NIPBL: variants seen among roughly 807,000 people sequenced by gnomAD.
NIPBL encodes the protein nipped-B-like protein.
Under a neutral mutation model 321.8 loss-of-function variants are expected in NIPBL, and 19 were observed. The ratio of observed to expected loss-of-function variants is 0.06; its 90% CI spans 0.04 to 0.09. The LOEUF (loss-of-function observed/expected upper bound fraction) is 0.09, where lower values mean the gene tolerates loss of function less well. Ranked by LOEUF, NIPBL falls within the 10% of genes least tolerant of loss-of-function variation. The pLI is 1.00. For missense variants in NIPBL, 2,210 were observed against 3,327.0 expected, an observed-to-expected ratio of 0.66 and a Z score of 8.26; for synonymous variants, 1,106 against 1,114.1, an observed-to-expected ratio of 0.99 and a Z score of 0.14.
rs148503852 is a variant in NIPBL, at chr5:37,008,921, G to A, written c.4421+198G>A. 8.1e-3 allele frequency among the ~76,000 whole-genome samples: 1,237 copies of A among 152,262 alleles called. 12 individuals carry two copies. Among genetic ancestry groups the A allele is most frequent in the African/African-American group, 0.028 (1,175 of 41,556 alleles). The stretch of plus-strand genomic sequence containing the variant: ...CTTAGAAAACTTCACTGATTCTCAA[G>A]GGTAAAGATCTGTGGCAGGGTTTTT... On this transcript the variant is annotated intron_variant, in intron 20 of 46. Transcript: ENST00000282516.
chr5:36,933,084 T>C (rs902662120), intron 1 of NIPBL, among the ~76,000 whole-genome samples: 12 of 152,208 alleles, frequency 7.9e-5, no homozygotes, highest in Admixed American at 7.2e-4. Context: ...AATCTACTTG[T>C]ATAGTTAAAT....
intron 1 of NIPBL, among the ~76,000 whole-genome samples, chr5:36,900,429 G>A (rs1174001130): frequency 1.3e-5 from 2 of 152,118 alleles, no homozygotes; most frequent in African/African-American, 4.8e-5. Context: ...AAAGGGGACT[G>A]TCTAGCTATA....
chr5:37,049,015 C>A, intron 39 of NIPBL, 96 bp from the exon 40 acceptor site: 1 of 1,193,094 alleles, frequency 8.4e-7, no homozygotes, highest in Non-Finnish European at 1.2e-6. Flanking sequence ...CTAGCTGTAA[C>A]GTTTTGTGAT....
chr5:37,058,739 C>A, intron 43 of NIPBL, 152 bp from the exon 44 acceptor site: 1 of 624,688 alleles, frequency 1.6e-6, no homozygotes, highest in Non-Finnish European at 2.8e-6. Flanking sequence ...AGAAACTATC[C>A]CCTAAGATTA....
At chr5:36,994,822 T>C (rs1253267623) in intron 10 of NIPBL, among the ~76,000 whole-genome samples, 1 of 152,174 alleles carries the variant, frequency 6.6e-6, no homozygotes, top group Non-Finnish European at 1.5e-5. Context: ...TGTGTATGTG[T>C]GTAGGATTAA....
intron 27 of NIPBL, among the ~76,000 whole-genome samples, chr5:37,021,217 T>C (rs1749598164): frequency 6.6e-6 from 1 of 152,156 alleles, no homozygotes; most frequent in Admixed American, 6.5e-5. Context: ...GAGAATTGCT[T>C]GAACCTGGGA....
intron 1 of NIPBL, among the ~76,000 whole-genome samples, chr5:36,930,838 A>T (rs1438127891): frequency 2.0e-5 from 3 of 152,178 alleles, no homozygotes; most frequent in Non-Finnish European, 4.4e-5. Context: ...GATGTTTTAC[A>T]TTAATTTATT....
At chr5:36,887,144 A>G (rs1745971874) in intron 1 of NIPBL, among the ~76,000 whole-genome samples, 1 of 152,132 alleles carries the variant, frequency 6.6e-6, no homozygotes, top group Non-Finnish European at 1.5e-5. Flanking sequence ...AATCTAGTCT[A>G]ATAGACATTA....
chr5:36,987,829 CAG>C (rs1745006941), intron 10 of NIPBL, among the ~76,000 whole-genome samples: 2 of 152,198 alleles, frequency 1.3e-5, no homozygotes, highest in South Asian at 4.1e-4. Context: ...TGCATCTTTT[CAG>C]AGTTACTTGT....
chr5:36,971,948 G>A lies in NIPBL; in HGVS notation c.775G>A (p.Gly259Arg), dbSNP rs1064794954. Reference sequence around the variant, plus strand: ...AAATTGTATACTCTATTTTTAGGATGGAGATTCTTCAACAATGAGGAATGC... The same window carrying A: ...AAATTGTATACTCTATTTTTAGGATAGAGATTCTTCAACAATGAGGAATGC... ...HMVHRLSSDD[G>R]DSSTMRNAAS... is the part of the protein sequence containing the mutation. The change falls in exon 8 of 47, where the codon GGA (glycine) becomes AGA (arginine). Residue 259 changes from glycine to arginine, a missense_variant. Gly to Arg is a moderately radical substitution (Grantham distance 125). Around this residue, in one of 14 missense-constraint regions of NIPBL, gnomAD observed 464 missense variants for 529.5 expected, o/e 0.88. Transcript: ENST00000282516. The A allele has an allele frequency of 3.1e-6, 5 of 1,610,952 alleles. No individual in the cohort carries two copies. Among genetic ancestry groups the A allele is most frequent in the Non-Finnish European group, 4.2e-6 (5 of 1,177,456 alleles).
chr5:36,901,599 T>G (rs572086879), intron 1 of NIPBL, among the ~76,000 whole-genome samples: 1 of 135,468 alleles, frequency 7.4e-6, no homozygotes, highest in South Asian at 2.6e-4. Context: ...AACCTCTACC[T>G]CCCAGGTTCA....
chr5:36,901,500 C>CTTTTTTTT (rs35178851), intron 1 of NIPBL, among the ~76,000 whole-genome samples: 5 of 77,452 alleles, frequency 6.5e-5, no homozygotes, highest in African/African-American at 1.7e-4. Context: ...CTTCTAAGTC[C>CTTTTTTTT]TTTTTTTTTT....
chr5:37,047,637 A>G (rs560454329), intron 38 of NIPBL, among the ~76,000 whole-genome samples: 2 of 152,344 alleles, frequency 1.3e-5, no homozygotes, highest in African/African-American at 4.8e-5. Flanking sequence ...AAAAAGATGA[A>G]GTTTTAACTT....
intron 8 of NIPBL, among the ~76,000 whole-genome samples, chr5:36,972,465 T>C (rs1742965798): frequency 6.6e-6 from 1 of 152,198 alleles, no homozygotes; most frequent in South Asian, 2.1e-4. Context: ...CTTATTCTTA[T>C]TCTTCTCAAG....
At chr5:36,889,621 A>G (rs1038547444) in intron 1 of NIPBL, among the ~76,000 whole-genome samples, 1 of 152,188 alleles carries the variant, frequency 6.6e-6, no homozygotes, top group Non-Finnish European at 1.5e-5. Context: ...CAGTATCTGA[A>G]TCTCTAATAA....
intron 32 of NIPBL, among the ~76,000 whole-genome samples, chr5:37,027,979 T>A (rs940732399): frequency 6.6e-6 from 1 of 152,172 alleles, no homozygotes; most frequent in African/African-American, 2.4e-5. Flanking sequence ...TATCTTACTT[T>A]CTTTCCAGAT....
intron 24 of NIPBL, among the ~76,000 whole-genome samples, chr5:37,018,623 CCTGGAACCTCT>C (rs1012558639): frequency 1.3e-5 from 2 of 152,022 alleles, no homozygotes; most frequent in Admixed American, 6.5e-5. Flanking sequence ...TTAAAGTGGG[CCTGGAACCTCT>C]TATTGCCATG....
At chr5:36,918,434 T>C (rs1374788281) in intron 1 of NIPBL, among the ~76,000 whole-genome samples, 1 of 152,154 alleles carries the variant, frequency 6.6e-6, no homozygotes, top group Non-Finnish European at 1.5e-5. Context: ...TCTGAGATGA[T>C]GGGGTTTTCT....
rs1455641124 is a variant in NIPBL, at chr5:37,057,271, T to C, written c.7349T>C (p.Met2450Thr). 2 of 1,613,750 alleles carry C rather than the reference T, an allele frequency of 1.2e-6. No homozygotes were observed. Among genetic ancestry groups the C allele is most frequent in the Non-Finnish European group, 1.7e-6 (2 of 1,179,650 alleles). The change falls in exon 43 of 47, where the codon ATG becomes ACG. Residue 2450 changes from methionine (M) to threonine (T), a missense_variant. By Grantham distance (81) the Met-to-Thr change is moderately conservative. Around this residue, in one of 14 missense-constraint regions of NIPBL, gnomAD observed 112 missense variants for 288.3 expected, o/e 0.39. Coordinates refer to ENST00000282516, the MANE Select transcript of NIPBL (RefSeq NM_133433.4). The part of the protein sequence containing the change: ...YQTQEEPLFI[M>T]HHIDITLSVS... Reference sequence around the variant, plus strand: ...ACACAGGAAGAGCCGTTGTTTATAATGCATCATATAGACATTACACTCTCA... The same window carrying C: ...ACACAGGAAGAGCCGTTGTTTATAACGCATCATATAGACATTACACTCTCA...
Sources: gnomAD v4.1 joint callset for allele counts (sites outside exome capture counted in the v4.1 genomes callset) on GRCh38, gnomAD v4.1.1 for gene constraint, gnomAD v4.1.1 regional missense constraint, MANE v1.5 for transcripts, NCBI Gene and HGNC (gene_info 2026-07-23, HGNC 2026-07-21) for gene names.